THADA: variants seen among roughly 807,000 people sequenced by gnomAD.
THADA encodes tRNA (32-2'-O)-methyltransferase regulator THADA.
Under a neutral mutation model 219.8 loss-of-function variants are expected in THADA, and 213 were observed. The observed-to-expected ratio is 0.97, with a 90% CI of 0.87 to 1.09. THADA has a LOEUF of 1.09. Among genes scored for constraint, THADA ranks in the 50% least tolerant of loss-of-function variants. THADA has a pLI of 0.00. For missense variants in THADA, 2,956 were observed against 2,311.3 expected, an observed-to-expected ratio of 1.28 and a Z score of -5.72; for synonymous variants, 1,018 against 828.9, an observed-to-expected ratio of 1.23 and a Z score of -3.92.
intron 29 of THADA, among the ~76,000 whole-genome samples, chr2:43,369,237 C>T (rs1005794070): frequency 3.3e-5 from 5 of 152,212 alleles, no homozygotes; most frequent in Non-Finnish European, 7.3e-5. Context: ...ATACCATGAG[C>T]TATTTCAAAT....
In THADA at chr2:43,512,563, C is replaced by T. The variant is rs1056613465; in HGVS notation, c.3375-3783G>A. On this transcript the variant is annotated intron_variant, in intron 22 of 37. Coordinates refer to ENST00000405975, the MANE Select transcript of THADA (RefSeq NM_022065.5). ...TCTTGCCCAGGTTGGAGTGCAATGG[C>T]GCGATCTTGCCTCACTGCAACCTCC... is the stretch of plus-strand genomic sequence containing the variant. Among the ~76,000 whole-genome samples the T allele has an allele frequency of 2.0e-5, 3 of 152,174 alleles. No homozygotes were observed. In the South Asian group the frequency reaches 6.2e-4, roughly 31 times the overall value.
At chr2:43,530,690 G>A (rs1693755916) in intron 21 of THADA, among the ~76,000 whole-genome samples, 1 of 152,170 alleles carries the variant, frequency 6.6e-6, no homozygotes, top group Non-Finnish European at 1.5e-5. Context: ...CTTCTCTGTG[G>A]ATTTACAACA....
intron 29 of THADA, among the ~76,000 whole-genome samples, chr2:43,383,209 T>C (rs184401795): frequency 1.2e-4 from 19 of 152,246 alleles, no homozygotes; most frequent in Non-Finnish European, 2.2e-4. Flanking sequence ...ACAGAGATGA[T>C]TGACAGTATC....
chr2:43,305,147 T>G (rs1164149246), intron 31 of THADA, among the ~76,000 whole-genome samples: 1 of 152,210 alleles, frequency 6.6e-6, no homozygotes, highest in Non-Finnish European at 1.5e-5. Flanking sequence ...GTCAATGTCC[T>G]GTTATGCAAT....
chr2:43,299,673 A>G (rs1264319877), intron 31 of THADA, among the ~76,000 whole-genome samples: 1 of 151,802 alleles, frequency 6.6e-6, no homozygotes, highest in Non-Finnish European at 1.5e-5. Flanking sequence ...AAACAACAAC[A>G]CCAACAAAAA....
intron 7 of THADA, among the ~76,000 whole-genome samples, chr2:43,584,294 A>G (rs1363244905): frequency 6.6e-6 from 1 of 152,212 alleles, no homozygotes; most frequent in Non-Finnish European, 1.5e-5. Flanking sequence ...ACTGATGTCC[A>G]TCAGTCTACC....
At chr2:43,313,390 A>G (rs1041106788) in intron 31 of THADA, among the ~76,000 whole-genome samples, 6 of 152,258 alleles carry the variant, frequency 3.9e-5, no homozygotes, top group Non-Finnish European at 8.8e-5. Context: ...AATAATAACA[A>G]TAATAAAAGT....
intron 26 of THADA, among the ~76,000 whole-genome samples, chr2:43,439,261 T>A (rs957028289): frequency 3.3e-5 from 5 of 151,378 alleles, no homozygotes; most frequent in African/African-American, 1.2e-4. Context: ...TATAGAGAGA[T>A]CTTGAGAGAG....
intron 26 of THADA, among the ~76,000 whole-genome samples, chr2:43,450,350 A>T (rs1682157102): frequency 6.6e-6 from 1 of 152,180 alleles, no homozygotes. Flanking sequence ...TGACATCGGT[A>T]ACTGAAAGGG....
intron 35 of THADA, among the ~76,000 whole-genome samples, chr2:43,285,203 C>T (rs1397544936): frequency 6.6e-6 from 1 of 152,184 alleles, no homozygotes; most frequent in Non-Finnish European, 1.5e-5. Context: ...GTGAGAAGGA[C>T]ATGAGATTCA....
intron 36 of THADA, among the ~76,000 whole-genome samples, chr2:43,273,621 G>A (rs1446277071): frequency 6.6e-6 from 1 of 152,130 alleles, no homozygotes; most frequent in Non-Finnish European, 1.5e-5. Flanking sequence ...AAAAGCACAG[G>A]GCCTGCTGCG....
chr2:43,485,806 G>A (rs1488541868), intron 25 of THADA, among the ~76,000 whole-genome samples: 1 of 151,626 alleles, frequency 6.6e-6, no homozygotes, highest in Non-Finnish European at 1.5e-5. Context: ...AAAGTGGAAG[G>A]ACTGCTTGAG....
At chr2:43,348,216 C>T (rs1163090840) in intron 29 of THADA, among the ~76,000 whole-genome samples, 1 of 152,210 alleles carries the variant, frequency 6.6e-6, no homozygotes, top group Admixed American at 6.5e-5. Context: ...AGCGGCCCAC[C>T]TTCCTGTAGG....
At chr2:43,578,423 A>T (rs1157392904) in intron 9 of THADA, 90 bp downstream of exon 9, 1 of 903,336 alleles carries the variant, frequency 1.1e-6, no homozygotes, top group African/African-American at 1.7e-5. Context: ...TTGGGATTAT[A>T]AGTGTGAGCC....
At chr2:43,312,944 ATAGT>A (rs953811355) in intron 31 of THADA, among the ~76,000 whole-genome samples, 15 of 152,360 alleles carry the variant, frequency 9.8e-5, no homozygotes, top group African/African-American at 3.1e-4. Flanking sequence ...TAAAATGGAA[ATAGT>A]TAAATTTAAC....
intron 22 of THADA, among the ~76,000 whole-genome samples, chr2:43,514,673 A>T (rs1181546331): frequency 2.6e-5 from 2 of 78,388 alleles, no homozygotes; most frequent in Non-Finnish European, 4.4e-5. Context: ...AATAATATAT[A>T]ATATATTATA....
At chr2:43,412,228 A>ACTCCC (rs1676392009) in intron 28 of THADA, among the ~76,000 whole-genome samples, 1 of 152,066 alleles carries the variant, frequency 6.6e-6, no homozygotes, top group African/African-American at 2.4e-5. Context: ...GTATCATCTT[A>ACTCCC]CTCCCCGGCT....
intron 28 of THADA, among the ~76,000 whole-genome samples, chr2:43,400,532 G>A (rs963138686): frequency 2.7e-5 from 4 of 147,888 alleles, no homozygotes; most frequent in East Asian, 1.9e-4. Flanking sequence ...GCCTACTGGC[G>A]GCAGGGAGGG....
intron 36 of THADA, among the ~76,000 whole-genome samples, chr2:43,269,699 T>A (rs1386207877): frequency 1.3e-5 from 2 of 152,204 alleles, no homozygotes; most frequent in African/African-American, 4.8e-5. Flanking sequence ...AGAAAACAGA[T>A]AACTGGCTCC....
Sources: allele counts gnomAD v4.1 joint callset (sites outside exome capture counted in the v4.1 genomes callset), GRCh38; gene constraint gnomAD v4.1.1; transcripts MANE v1.5; gene names NCBI Gene and HGNC (gene_info 2026-07-23, HGNC 2026-07-21).